Variants in CACNA2D4 observed in about 807,000 individuals in gnomAD.
CACNA2D4 encodes calcium voltage-gated channel auxiliary subunit alpha2delta 4.
A neutral mutation model predicts 163.8 loss-of-function variants in CACNA2D4; 157 were observed. The observed-to-expected ratio is 0.96, with a 90% CI of 0.84 to 1.09. CACNA2D4 has a LOEUF of 1.09. CACNA2D4 is among the 50% of genes least tolerant of loss of function. The pLI is 0.00. For synonymous variants in CACNA2D4, 598 were observed against 586.9 expected, an observed-to-expected ratio of 1.02 and a Z score of -0.27; for missense variants, 1,410 against 1,479.9, an observed-to-expected ratio of 0.95 and a Z score of 0.78.
In CACNA2D4 at chr12:1,840,723, C is replaced by A. The variant is rs774069573; in HGVS notation, c.2551+16G>T. On this transcript the variant is annotated intron_variant, in intron 26 of 37. Coordinates refer to ENST00000382722, the MANE Select transcript of CACNA2D4 (RefSeq NM_172364.5). The stretch of plus-strand genomic sequence containing the variant: ...CCCCAGCTTCCTGGCCTCAACACCA[C>A]AAGGGCCGTTCCTACCTGCAGCAAT... 5.6e-6 allele frequency: 9 copies of A among 1,611,090 alleles called. No individual in the cohort carries two copies. The highest frequency in any genetic ancestry group is 7.6e-6 in the Non-Finnish European group (9 of 1,177,466).
intron 6 of CACNA2D4, among the ~76,000 whole-genome samples, chr12:1,889,638 T>C (rs1866231161): frequency 6.6e-6 from 1 of 152,136 alleles, no homozygotes; most frequent in Admixed American, 6.5e-5. Flanking sequence ...AATTTTAAAA[T>C]GTTATTGTAT....
intron 13 of CACNA2D4, among the ~76,000 whole-genome samples, chr12:1,880,748 GT>G (rs1410523400): frequency 1.3e-5 from 2 of 152,242 alleles, no homozygotes; most frequent in African/African-American, 4.8e-5. Flanking sequence ...TCAATTTAGA[GT>G]TAGAAGTAAG....
At chr12:1,850,820 A>G (rs1282725995) in intron 23 of CACNA2D4, among the ~76,000 whole-genome samples, 1 of 150,956 alleles carries the variant, frequency 6.6e-6, no homozygotes, top group Non-Finnish European at 1.5e-5. Flanking sequence ...AGGCTGAGGC[A>G]GGAGAATGGC....
At chr12:1,860,722 G>A (rs982342805) in intron 18 of CACNA2D4, among the ~76,000 whole-genome samples, 6 of 152,106 alleles carry the variant, frequency 3.9e-5, no homozygotes, top group Admixed American at 3.9e-4. Context: ...AGGGAGAAGG[G>A]GTGCACCATT....
At position 1,913,228 on chromosome 12, in the gene CACNA2D4, A is replaced by G. The variant is rs1262869916; in HGVS notation, c.310-89T>C. The G allele has an allele frequency of 5.7e-6, 5 of 884,770 alleles. No individual in the cohort carries two copies. In the Admixed American group the frequency reaches 7.7e-5, roughly 14 times the overall value. The allele number at this position is 884,770 out of a possible 1,614,324, so 54.8% of individuals were successfully genotyped here. The stretch of plus-strand genomic sequence containing the variant: ...TATGCATGGCCTCCAACCTCTCCAC[A>G]GATGCATTCCGGCACATGGAGCCTG... On this transcript the variant is annotated intron_variant, in intron 2 of 37. Transcript: ENST00000382722.
chr12:1,864,989 C>T (rs567096961), intron 18 of CACNA2D4, among the ~76,000 whole-genome samples: 92 of 152,286 alleles, frequency 6.0e-4, no homozygotes, highest in African/African-American at 2.2e-3. Flanking sequence ...CCCGGGTCTC[C>T]AGGTGGGCGC....
intron 1 of CACNA2D4, 54 bp from the exon 2 acceptor site, chr12:1,914,989 G>C: frequency 7.7e-7 from 1 of 1,301,312 alleles, no homozygotes; most frequent in Admixed American, 1.7e-5. Flanking sequence ...CACAAATACA[G>C]AAACACACGC....
rs1863073847 is a variant in CACNA2D4 at position 1,795,122 on chromosome 12, G to C, written c.3309+177C>G. ...CAGGACAAAGACTAAATAAAGATCT[G>C]TTTCTTATTATATCACAGTGTCACA... On this transcript the variant is annotated intron_variant, in intron 37 of 37. Coordinates refer to ENST00000382722, the MANE Select transcript of CACNA2D4 (RefSeq NM_172364.5). The C allele has an allele frequency of 8.2e-6, 5 of 608,062 alleles. No individual in the cohort carries two copies. The East Asian group carries it at 1.1e-4, about 13-fold the overall frequency. The allele number at this position is 608,062 out of a possible 1,614,324, so 37.7% of individuals were successfully genotyped here. A position where few individuals can be genotyped will look rare whatever the true frequency, so the allele number is the denominator to read the frequency against.
In CACNA2D4 at chr12:1,869,386, G is replaced by A. The variant is rs144167719; in HGVS notation, c.1878+5218C>T. On this transcript the variant is annotated intron_variant, in intron 18 of 37. Transcript: ENST00000382722. The surrounding 1 kb of genome is among the most constrained non-coding windows in gnomAD (Gnocchi z 4.7). ...GCCGAAGCCAGATTCAAAGCCACCC[G>A]CTGCTGCTGGCTCTCCTCCTTCAGT... Among the ~76,000 whole-genome samples, 100 of 152,332 alleles carry A rather than the reference G, an allele frequency of 6.6e-4. No homozygotes were observed. The highest frequency in any genetic ancestry group is 3.9e-3 in the Admixed American group (59 of 15,300).
In CACNA2D4 at chr12:1,896,606, AACACACACACACACACACACAC is replaced by A. The variant is rs61535168; in HGVS notation, c.782-9559_782-9538del. On this transcript the variant is annotated intron_variant, in intron 6 of 37. Coordinates refer to ENST00000382722, the MANE Select transcript of CACNA2D4 (RefSeq NM_172364.5). ...ATCCCAGTTAGAATAGCTATTAATA[AACACACACACACACACACACAC>A]ACACACACACACACACACACACACA... is the stretch of plus-strand genomic sequence containing the variant. Among the ~76,000 whole-genome samples, 250 of 130,720 alleles carry A rather than the reference AACACACACACACACACACACAC, an allele frequency of 1.9e-3. 2 individuals are homozygous for A. The highest frequency in any genetic ancestry group is 7.4e-3 in the African/African-American group (239 of 32,134). The allele number at this position is 130,720 out of a possible 152,430, so 85.8% of individuals were successfully genotyped here.
At chr12:1,803,020 T>A (rs577851778) in intron 29 of CACNA2D4, among the ~76,000 whole-genome samples, 2 of 152,256 alleles carry the variant, frequency 1.3e-5, no homozygotes, top group Non-Finnish European at 2.9e-5. Flanking sequence ...ACCAAGCTGA[T>A]GGCCACGTCA....
intron 26 of CACNA2D4, among the ~76,000 whole-genome samples, chr12:1,824,410 C>T (rs1322187832): frequency 1.3e-5 from 2 of 152,224 alleles, no homozygotes; most frequent in Non-Finnish European, 2.9e-5. Flanking sequence ...CCCCATGTTT[C>T]TGGCCCTCCA....
chr12:1,797,369 A>C, intron 35 of CACNA2D4, 49 bp downstream of exon 35: 2 of 1,354,606 alleles, frequency 1.5e-6, no homozygotes, highest in Non-Finnish European at 2.0e-6. Flanking sequence ...CGCCTTGCCG[A>C]GGGCGGGAGG....
rs574339162 is a variant in CACNA2D4 at position 1,917,932 on chromosome 12, G to A, written c.227+315C>T. ...CAGCGATTATCCTGAAGGAGCACCC[G>A]CCCTTCAGGTGTCCCAGAAGCTGCT... On this transcript the variant is annotated intron_variant, in intron 1 of 37. Coordinates refer to ENST00000382722, the MANE Select transcript of CACNA2D4 (RefSeq NM_172364.5). This position sits in a 1 kb window ranked among gnomAD's most constrained non-coding sequence, Gnocchi z 4.3. 5.9e-5 allele frequency: 18 copies of A among 303,256 alleles called. No individual in the cohort carries two copies. The highest frequency in any genetic ancestry group is 1.4e-4 in the African/African-American group (6 of 44,426). The allele number at this position is 303,256 out of a possible 1,614,324, so 18.8% of individuals were successfully genotyped here. A position where few individuals can be genotyped will look rare whatever the true frequency, so the allele number is the denominator to read the frequency against.
intron 6 of CACNA2D4, among the ~76,000 whole-genome samples, chr12:1,890,561 G>A (rs886203344): frequency 3.3e-5 from 5 of 152,262 alleles, no homozygotes; most frequent in Admixed American, 1.3e-4. Flanking sequence ...GCAAGCATTC[G>A]CCAGCCGCCT....
At chr12:1,906,967 C>T (rs1174870922) in intron 6 of CACNA2D4, among the ~76,000 whole-genome samples, 1 of 152,244 alleles carries the variant, frequency 6.6e-6, no homozygotes, top group Non-Finnish European at 1.5e-5. Flanking sequence ...AGGTAGAACT[C>T]TTGGAAACTT....
intron 5 of CACNA2D4, 28 bp downstream of exon 5, chr12:1,907,847 G>A (rs780867380): frequency 6.2e-7 from 1 of 1,613,100 alleles, no homozygotes; most frequent in South Asian, 1.1e-5. Context: ...TGCCTGGTGA[G>A]TGTGCCTGAG....
At chr12:1,851,687 T>G (rs1488294537) in intron 23 of CACNA2D4, among the ~76,000 whole-genome samples, 2 of 69,646 alleles carry the variant, frequency 2.9e-5, no homozygotes, top group African/African-American at 4.1e-5. Context: ...GCGTTTTTTT[T>G]TTTTTTTTCC....
rs61731853 is a variant in CACNA2D4, at chr12:1,820,720, G to T, written c.2552-8997C>A. 1 of 152,376 alleles carries T rather than the reference G, an allele frequency of 6.6e-6. No homozygotes were observed. Among genetic ancestry groups the T allele is most frequent in the Admixed American group, 6.5e-5 (1 of 15,290 alleles). The allele number at this position is 152,376 out of a possible 1,614,324, so 9.4% of individuals were successfully genotyped here. ...CAGTGCCCACTGCGCTCTGCCTGCC[G>T]GTGGTGTCTGGATTTCTATAGGAAT... is the stretch of plus-strand genomic sequence containing the variant. On this transcript the variant is annotated intron_variant, in intron 26 of 37. Transcript: ENST00000382722. This position sits in a 1 kb window ranked among gnomAD's most constrained non-coding sequence, Gnocchi z 6.0.
Sources: allele counts gnomAD v4.1 joint callset (sites outside exome capture counted in the v4.1 genomes callset), GRCh38; gene constraint gnomAD v4.1.1; non-coding constraint Gnocchi (gnomAD v3.1); transcripts MANE v1.5; gene names NCBI Gene and HGNC (gene_info 2026-07-23, HGNC 2026-07-21).